The following FHIT variants were observed in gnomAD, a reference collection of about 807,000 sequenced individuals.
FHIT encodes fragile histidine triad diadenosine triphosphatase.
A neutral mutation model predicts 17.9 loss-of-function variants in FHIT; 19 were observed. The observed-to-expected ratio is 1.06, with a 90% confidence interval of 0.74 to 1.56. The LOEUF is 1.56. Among genes scored for constraint, FHIT ranks in the 40% most tolerant of loss-of-function variants. FHIT has a pLI of 0.00. For synonymous variants in FHIT, 81 were observed against 69.7 expected (o/e 1.16, Z -0.81); for missense variants, 248 against 189.2 (o/e 1.31, Z -1.82).
chr3:59,765,697 A>G (rs2106805973), intron 8 of FHIT, among the ~76,000 whole-genome samples: 1 of 152,348 alleles, frequency 6.6e-6, no homozygotes, highest in African/African-American at 2.4e-5. Flanking sequence ...ATTACCTCCT[A>G]AAGTTGACAT....
At chr3:61,032,298 C>G (rs1299421471) in intron 3 of FHIT, among the ~76,000 whole-genome samples, 1 of 152,182 alleles carries the variant, frequency 6.6e-6, no homozygotes, top group Non-Finnish European at 1.5e-5. Flanking sequence ...CCTTCCAGAG[C>G]TAGGAGACCT....
At chr3:60,201,509 A>T (rs1158744033) in intron 5 of FHIT, among the ~76,000 whole-genome samples, 2 of 152,128 alleles carry the variant, frequency 1.3e-5, no homozygotes, top group African/African-American at 4.8e-5. Context: ...GATAATCAGA[A>T]GAAAAGAATC....
intron 5 of FHIT, among the ~76,000 whole-genome samples, chr3:60,309,343 C>G (rs1350462530): frequency 6.6e-6 from 1 of 151,956 alleles, no homozygotes; most frequent in Non-Finnish European, 1.5e-5. Context: ...CCCATTTCCA[C>G]TTCTGACACT....
intron 8 of FHIT, among the ~76,000 whole-genome samples, chr3:59,797,838 C>A (rs1699840734): frequency 6.6e-6 from 1 of 152,064 alleles, no homozygotes; most frequent in Non-Finnish European, 1.5e-5. Flanking sequence ...TCTTAAATAG[C>A]TTAAATAGAC....
intron 3 of FHIT, among the ~76,000 whole-genome samples, chr3:60,959,304 C>T (rs1485827642): frequency 6.6e-6 from 1 of 152,188 alleles, no homozygotes; most frequent in Non-Finnish European, 1.5e-5. Flanking sequence ...TATATTTCAA[C>T]AGAACTTCTG....
At chr3:60,803,767 A>G (rs1575545535) in intron 4 of FHIT, among the ~76,000 whole-genome samples, 1 of 152,124 alleles carries the variant, frequency 6.6e-6, no homozygotes, top group Admixed American at 6.5e-5. Context: ...TTTCCCCTCA[A>G]AGAGGGAGAG....
At chr3:59,750,604 G>C (rs984055222) in intron 9 of FHIT, 2 of 224,496 alleles carry the variant, frequency 8.9e-6, no homozygotes, top group African/African-American at 2.2e-5. Flanking sequence ...AGGCAACTGA[G>C]TGCAGAGCTG....
intron 8 of FHIT, among the ~76,000 whole-genome samples, chr3:59,856,868 A>C (rs1359797434): frequency 9.2e-6 from 1 of 108,174 alleles, no homozygotes; most frequent in African/African-American, 4.5e-5. Context: ...TCCCCGGCTG[A>C]GTATTTTTTT....
At chr3:60,771,540 G>A (rs1040758909) in intron 4 of FHIT, among the ~76,000 whole-genome samples, 1 of 152,166 alleles carries the variant, frequency 6.6e-6, no homozygotes, top group Non-Finnish European at 1.5e-5. Flanking sequence ...CTTCCTGAGA[G>A]GGGGGTCTCA....
chr3:59,779,868 C>T (rs2166791), intron 8 of FHIT, among the ~76,000 whole-genome samples: 1 of 152,176 alleles, frequency 6.6e-6, no homozygotes, highest in Non-Finnish European at 1.5e-5. Flanking sequence ...TAAGGAAACT[C>T]CCATCCCATG....
At position 60,350,849 on chromosome 3, in the gene FHIT, T is replaced by C. The variant is rs78521802; in HGVS notation, c.103+186011A>G. Reference sequence around the variant, plus strand: ...CAAAAGAAATGCAAAGATGATAGAATGTTACTGCTATGATTATGTTATGTA... The same window carrying C: ...CAAAAGAAATGCAAAGATGATAGAACGTTACTGCTATGATTATGTTATGTA... On this transcript the variant is annotated intron_variant, in intron 5 of 9. Transcript: ENST00000492590. 8.9e-3 allele frequency among the ~76,000 whole-genome samples: 1,348 copies of C among 152,316 alleles called. 11 individuals are homozygous for C. Among genetic ancestry groups the C allele is most frequent in the Non-Finnish European group, 0.012 (816 of 68,028 alleles).
At chr3:60,546,783 T>C (rs2036380854) in intron 4 of FHIT, among the ~76,000 whole-genome samples, 1 of 152,116 alleles carries the variant, frequency 6.6e-6, no homozygotes, top group Admixed American at 6.6e-5. Flanking sequence ...TCCTCAGACA[T>C]CTCATTTGAA....
At chr3:60,260,483 TAAC>T (rs1197486319) in intron 5 of FHIT, among the ~76,000 whole-genome samples, 3 of 152,122 alleles carry the variant, frequency 2.0e-5, no homozygotes, top group African/African-American at 7.2e-5. Context: ...TGAAAACTTT[TAAC>T]AAAACAATAG....
chr3:60,994,173 T>C (rs1272218411), intron 3 of FHIT, among the ~76,000 whole-genome samples: 1 of 152,236 alleles, frequency 6.6e-6, no homozygotes, highest in Non-Finnish European at 1.5e-5. Context: ...TTAATGTGGT[T>C]ATTAAACATT....
At chr3:60,408,455 G>A (rs1448063562) in intron 5 of FHIT, among the ~76,000 whole-genome samples, 1 of 152,132 alleles carries the variant, frequency 6.6e-6, no homozygotes, top group Non-Finnish European at 1.5e-5. Context: ...ACCCAGTGGG[G>A]CAAGGAATGA....
chr3:61,212,350 A>C (rs1324955128), intron 1 of FHIT, among the ~76,000 whole-genome samples: 1 of 152,250 alleles, frequency 6.6e-6, no homozygotes, highest in Non-Finnish European at 1.5e-5. Flanking sequence ...AACTACGTGA[A>C]GAATGCAGAA....
chr3:60,799,470 G>A (rs573075445), intron 4 of FHIT, among the ~76,000 whole-genome samples: 9 of 151,340 alleles, frequency 5.9e-5, no homozygotes, highest in African/African-American at 1.7e-4. Flanking sequence ...CACTGCGCCT[G>A]GCCCAAAGTC....
chr3:60,744,909 C>A (rs568833771), intron 4 of FHIT, among the ~76,000 whole-genome samples: 1 of 152,086 alleles, frequency 6.6e-6, no homozygotes, highest in Non-Finnish European at 1.5e-5. Flanking sequence ...TGCTGAGTGA[C>A]GGGGATATCA....
intron 1 of FHIT, among the ~76,000 whole-genome samples, chr3:61,204,259 G>C (rs1267785880): frequency 6.6e-6 from 1 of 152,162 alleles, no homozygotes; most frequent in East Asian, 1.9e-4. Context: ...AGAGGAGATG[G>C]AATACGTGAG....
Sources: gnomAD v4.1 joint callset for allele counts (sites outside exome capture counted in the v4.1 genomes callset) on GRCh38, gnomAD v4.1.1 for gene constraint, MANE v1.5 for transcripts, NCBI Gene and HGNC (gene_info 2026-07-23, HGNC 2026-07-21) for gene names.